ELOVL6: variants seen among roughly 807,000 people sequenced by gnomAD.
ELOVL6 encodes very long chain fatty acid elongase 6.
A neutral mutation model predicts 31.7 loss-of-function variants in ELOVL6; 8 were observed. The ratio of observed to expected loss-of-function variants is 0.25; its 90% confidence interval spans 0.15 to 0.45. The LOEUF (loss-of-function observed/expected upper bound fraction) is 0.45. Ranked by LOEUF, ELOVL6 falls within the 20% of genes least tolerant of loss-of-function variation. The pLI, the probability that ELOVL6 is intolerant of heterozygous loss-of-function variation, is 1.00. For synonymous variants in ELOVL6, 101 were observed against 117.7 expected, an observed-to-expected ratio of 0.86 and a Z score of 0.92; for missense variants, 126 against 326.4, an observed-to-expected ratio of 0.39 and a Z score of 4.73.
chr4:110,062,508 C>A (rs1008040004), intron 2 of ELOVL6, among the ~76,000 whole-genome samples: 2 of 152,204 alleles, frequency 1.3e-5, no homozygotes, highest in African/African-American at 4.8e-5. Flanking sequence ...ATCCTCTGCA[C>A]GCTTTGGAAC....
chr4:110,139,662 AG>A (rs932478188), intron 1 of ELOVL6, among the ~76,000 whole-genome samples: 1 of 152,160 alleles, frequency 6.6e-6, no homozygotes, highest in African/African-American at 2.4e-5. Flanking sequence ...TTTAAGCAAA[AG>A]TCAGCTTTGT....
intron 1 of ELOVL6, among the ~76,000 whole-genome samples, chr4:110,116,123 C>T (rs1270046899): frequency 6.6e-6 from 1 of 152,184 alleles, no homozygotes; most frequent in Non-Finnish European, 1.5e-5. Flanking sequence ...GTCCCCTGCC[C>T]AAAGATATTC....
intron 2 of ELOVL6, among the ~76,000 whole-genome samples, chr4:110,097,588 T>C (rs1578478811): frequency 6.6e-6 from 1 of 152,176 alleles, no homozygotes. Context: ...AAACAAAATA[T>C]GTTTTGGTGT....
At chr4:110,052,817 G>A (rs1261165801) in intron 3 of ELOVL6, among the ~76,000 whole-genome samples, 2 of 152,222 alleles carry the variant, frequency 1.3e-5, no homozygotes, top group African/African-American at 4.8e-5. Context: ...GGCTAATGCA[G>A]GTGAATGCGT....
intron 2 of ELOVL6, among the ~76,000 whole-genome samples, chr4:110,094,435 AT>A (rs1560820662): frequency 3.1e-4 from 18 of 58,404 alleles, no homozygotes; most frequent in East Asian, 2.7e-3. Context: ...ATATATATAT[AT>A]ATATATAATA....
At chr4:110,062,450 A>T (rs539488509) in intron 2 of ELOVL6, among the ~76,000 whole-genome samples, 1 of 152,244 alleles carries the variant, frequency 6.6e-6, no homozygotes, top group Admixed American at 6.5e-5. Flanking sequence ...GGCCAATGGG[A>T]TAATTGTTAT....
intron 1 of ELOVL6, among the ~76,000 whole-genome samples, chr4:110,165,380 C>T (rs1209051168): frequency 6.6e-6 from 1 of 152,196 alleles, no homozygotes; most frequent in Admixed American, 6.5e-5. Context: ...ACTCCTTAGC[C>T]TGGCTTCCAA....
intron 1 of ELOVL6, among the ~76,000 whole-genome samples, chr4:110,194,467 C>G (rs2126283347): frequency 6.6e-6 from 1 of 152,294 alleles, no homozygotes; most frequent in African/African-American, 2.4e-5. Context: ...AATTGCTATT[C>G]TAACCTATTA....
intron 1 of ELOVL6, among the ~76,000 whole-genome samples, chr4:110,177,830 A>G (rs1286500139): frequency 1.3e-5 from 2 of 152,214 alleles, no homozygotes; most frequent in Non-Finnish European, 2.9e-5. Context: ...AGTTGAAAAC[A>G]TCCTAAAAGT....
At chr4:110,068,076 T>C (rs1755358460) in intron 2 of ELOVL6, among the ~76,000 whole-genome samples, 1 of 152,120 alleles carries the variant, frequency 6.6e-6, no homozygotes, top group African/African-American at 2.4e-5. Context: ...AAAAGGACAG[T>C]AATAAATAAA....
chr4:110,077,640 A>G (rs931794048), intron 2 of ELOVL6, among the ~76,000 whole-genome samples: 1 of 152,212 alleles, frequency 6.6e-6, no homozygotes, highest in Admixed American at 6.5e-5. Flanking sequence ...AGACGGGGAA[A>G]AAACAGAGCA....
chr4:110,083,165 C>G (rs1755932120), intron 2 of ELOVL6, among the ~76,000 whole-genome samples: 1 of 151,666 alleles, frequency 6.6e-6, no homozygotes. Context: ...TTTCACAAAA[C>G]CCATATTCTA....
intron 2 of ELOVL6, among the ~76,000 whole-genome samples, chr4:110,084,440 G>GATATATCAT (rs1203410388): frequency 2.5e-5 from 2 of 80,484 alleles, no homozygotes; most frequent in African/African-American, 1.2e-4. Context: ...TATCATATAT[G>GATATATCAT]ATATATCGCA....
chr4:110,150,735 AT>A (rs1758254432), intron 1 of ELOVL6, among the ~76,000 whole-genome samples: 1 of 152,136 alleles, frequency 6.6e-6, no homozygotes, highest in African/African-American at 2.4e-5. Flanking sequence ...AGATATTCAT[AT>A]TTTAAAATAA....
At chr4:110,144,427 T>C (rs1758050313) in intron 1 of ELOVL6, among the ~76,000 whole-genome samples, 2 of 152,348 alleles carry the variant, frequency 1.3e-5, no homozygotes, top group South Asian at 4.1e-4. Flanking sequence ...ATGCTGGCAT[T>C]AAAATCATAT....
At chr4:110,098,314 C>T (rs960321798) in intron 2 of ELOVL6, among the ~76,000 whole-genome samples, 7 of 152,176 alleles carry the variant, frequency 4.6e-5, no homozygotes, top group African/African-American at 1.7e-4. Context: ...TTGATATAAA[C>T]TTGCTTTACT....
chr4:110,071,014 C>T (rs1347339498), intron 2 of ELOVL6, among the ~76,000 whole-genome samples: 1 of 152,090 alleles, frequency 6.6e-6, no homozygotes, highest in Non-Finnish European at 1.5e-5. Flanking sequence ...ATAGAGTCTT[C>T]CCCCAACCCA....
intron 2 of ELOVL6, among the ~76,000 whole-genome samples, chr4:110,081,990 A>G (rs1263662147): frequency 2.6e-5 from 4 of 151,242 alleles, no homozygotes; most frequent in African/African-American, 9.7e-5. Context: ...GACACATGAA[A>G]AAATGCTCAT....
At chr4:110,176,685 G>C (rs1294815226) in intron 1 of ELOVL6, among the ~76,000 whole-genome samples, 1 of 152,210 alleles carries the variant, frequency 6.6e-6, no homozygotes, top group Admixed American at 6.5e-5. Flanking sequence ...GCCCTTGAGA[G>C]ACAAAGTGCA....
Sources: allele counts gnomAD v4.1 joint callset (sites outside exome capture counted in the v4.1 genomes callset), GRCh38; gene constraint gnomAD v4.1.1; transcripts MANE v1.5; gene names NCBI Gene and HGNC (gene_info 2026-07-23, HGNC 2026-07-21).